Variants in UST observed in about 807,000 individuals in gnomAD.
UST encodes uronyl 2-sulfotransferase, also known as chondroitin sulfate 2-O-sulfotransferase.
A neutral mutation model predicts 45.6 loss-of-function variants in UST; 21 were observed. The ratio of observed to expected loss-of-function variants is 0.46; its 90% confidence interval spans 0.33 to 0.66. UST has a LOEUF of 0.66. Ranked by LOEUF, UST falls within the 30% of genes least tolerant of loss-of-function variation. The pLI is 0.02. For missense variants in UST, 463 were observed against 512.4 expected, an observed-to-expected ratio of 0.90 and a Z score of 0.93; for synonymous variants, 215 against 200.6, an observed-to-expected ratio of 1.07 and a Z score of -0.61.
At chr6:148,905,714 G>A (rs1031449543) in intron 2 of UST, among the ~76,000 whole-genome samples, 26 of 152,322 alleles carry the variant, frequency 1.7e-4, no homozygotes, top group East Asian at 3.9e-4. Flanking sequence ...TCCTTTGAGC[G>A]TATCATTTCC....
chr6:148,898,056 A>G (rs1779171080), intron 2 of UST, among the ~76,000 whole-genome samples: 1 of 152,192 alleles, frequency 6.6e-6, no homozygotes, highest in African/African-American at 2.4e-5. Context: ...TTTTCATTTT[A>G]TGGAAGAATC....
In UST at chr6:148,878,686, G is replaced by A. The variant is rs371182884; in HGVS notation, c.248-8300G>A. On this transcript the variant is annotated intron_variant, in intron 1 of 7. Coordinates refer to ENST00000367463, the MANE Select transcript of UST (RefSeq NM_005715.3). ...AAGTGCGGGGGTCGTGTATGAGTGC[G>A]GGGGTCGTGTGTGAGTGCGGAGGTC... 3.9e-4 allele frequency among the ~76,000 whole-genome samples: 58 copies of A among 147,720 alleles called. 1 individual carries two copies. Among genetic ancestry groups the A allele is most frequent in the African/African-American group, 1.3e-3 (50 of 39,714 alleles).
intron 2 of UST, among the ~76,000 whole-genome samples, chr6:148,912,835 A>T (rs1415149855): frequency 1.3e-5 from 2 of 152,210 alleles, no homozygotes; most frequent in African/African-American, 4.8e-5. Flanking sequence ...CTGTTTCACA[A>T]TGAACTGTCC....
At chr6:149,043,197 C>T (rs1378389103) in intron 7 of UST, among the ~76,000 whole-genome samples, 1 of 151,668 alleles carries the variant, frequency 6.6e-6, no homozygotes. Flanking sequence ...CAGCCTCAAC[C>T]TCTTGGGACC....
At chr6:148,891,607 C>T (rs1464834859) in intron 2 of UST, among the ~76,000 whole-genome samples, 1 of 143,424 alleles carries the variant, frequency 7.0e-6, no homozygotes, top group Non-Finnish European at 1.5e-5. Context: ...GGGATTCCAG[C>T]CCAGGGCTGT....
At chr6:148,813,224 T>G (rs1243093235) in intron 1 of UST, among the ~76,000 whole-genome samples, 1 of 152,200 alleles carries the variant, frequency 6.6e-6, no homozygotes, top group Non-Finnish European at 1.5e-5. Flanking sequence ...CTCAGTTGGC[T>G]ATGGTTTGGG....
At chr6:149,044,052 A>G (rs1342008958) in intron 7 of UST, among the ~76,000 whole-genome samples, 6 of 152,188 alleles carry the variant, frequency 3.9e-5, no homozygotes, top group Non-Finnish European at 5.9e-5. Flanking sequence ...GTTAAAATAG[A>G]GTTTCACAGC....
chr6:148,839,763 A>T (rs1251889837), intron 1 of UST, among the ~76,000 whole-genome samples: 2 of 152,174 alleles, frequency 1.3e-5, no homozygotes, highest in Admixed American at 1.3e-4. Flanking sequence ...TTCCCAGATG[A>T]TGCTATGGTA....
intron 5 of UST, among the ~76,000 whole-genome samples, chr6:148,996,321 T>C (rs2486400): frequency 0.9 from 136,733 of 152,218 alleles, 61,741 homozygotes; most frequent in African/African-American, 0.93. Context: ...CAGGTTCAAG[T>C]GATTCTCCTC....
At chr6:148,980,197 A>G (rs1438369165) in intron 5 of UST, among the ~76,000 whole-genome samples, 1 of 152,096 alleles carries the variant, frequency 6.6e-6, no homozygotes, top group African/African-American at 2.4e-5. Context: ...GGAATAACCT[A>G]CATATATCAC....
At chr6:149,071,530 C>T (rs1776818586) in intron 7 of UST, among the ~76,000 whole-genome samples, 1 of 151,066 alleles carries the variant, frequency 6.6e-6, no homozygotes, top group African/African-American at 2.4e-5. Context: ...GTCTCCATTA[C>T]AATTAAAAAC....
chr6:148,980,769 A>G (rs1179820584), intron 5 of UST, among the ~76,000 whole-genome samples: 1 of 151,734 alleles, frequency 6.6e-6, no homozygotes, highest in Non-Finnish European at 1.5e-5. Flanking sequence ...CCTAGGTTGG[A>G]GTGCAGTGGT....
intron 2 of UST, among the ~76,000 whole-genome samples, chr6:148,927,623 T>C (rs1779841186): frequency 6.6e-6 from 1 of 152,038 alleles, no homozygotes; most frequent in South Asian, 2.1e-4. Flanking sequence ...AAGTGAGATA[T>C]TGCGTGAAAG....
chr6:148,868,553 T>C (rs891544742), intron 1 of UST, among the ~76,000 whole-genome samples: 1 of 152,158 alleles, frequency 6.6e-6, no homozygotes, highest in African/African-American at 2.4e-5. Flanking sequence ...CCCAACTCAT[T>C]TTGTTGAAAG....
At chr6:148,862,624 A>G (rs556859896) in intron 1 of UST, among the ~76,000 whole-genome samples, 6 of 152,344 alleles carry the variant, frequency 3.9e-5, no homozygotes, top group Non-Finnish European at 8.8e-5. Flanking sequence ...ATGTTTTTGC[A>G]GTGGCTGGTA....
At chr6:148,936,486 A>G (rs1303109285) in intron 2 of UST, among the ~76,000 whole-genome samples, 3 of 150,904 alleles carry the variant, frequency 2.0e-5, no homozygotes. Context: ...ATGCTGTTTC[A>G]TTCTGTATTG....
intron 5 of UST, 108 bp downstream of exon 5, chr6:148,964,671 A>T: frequency 6.9e-7 from 1 of 1,441,488 alleles, no homozygotes; most frequent in Non-Finnish European, 9.4e-7. Flanking sequence ...TGGCGCCTCC[A>T]TGGAGCGTGG....
intron 2 of UST, among the ~76,000 whole-genome samples, chr6:148,889,316 T>TAG (rs529962540): frequency 3.0e-4 from 45 of 152,352 alleles, no homozygotes; most frequent in African/African-American, 1.0e-3. Context: ...GTTAATAGCC[T>TAG]AGAGAGAGTG....
intron 2 of UST, among the ~76,000 whole-genome samples, chr6:148,915,688 A>G (rs941553869): frequency 1.3e-5 from 2 of 152,256 alleles, no homozygotes; most frequent in East Asian, 3.8e-4. Context: ...TTATGTGAAC[A>G]TGATTACCAA....
Sources: allele counts gnomAD v4.1 joint callset (sites outside exome capture counted in the v4.1 genomes callset), GRCh38; gene constraint gnomAD v4.1.1; transcripts MANE v1.5; gene names NCBI Gene and HGNC (gene_info 2026-07-23, HGNC 2026-07-21).